SEMA6D: variants seen among roughly 807,000 people sequenced by gnomAD.
SEMA6D encodes semaphorin 6D.
Under a neutral mutation model 106.6 loss-of-function variants are expected in SEMA6D, and 35 were observed. The observed-to-expected ratio is 0.33, with a 90% CI of 0.25 to 0.44. The LOEUF (loss-of-function observed/expected upper bound fraction) is 0.44. Among genes scored for constraint, SEMA6D ranks in the 20% least tolerant of loss-of-function variants. The pLI, the probability that SEMA6D is intolerant of heterozygous loss-of-function variation, is 1.00. For missense variants in SEMA6D, 1,185 were observed against 1,345.9 expected (o/e 0.88, Z 1.87); for synonymous variants, 499 against 487.7 (o/e 1.02, Z -0.31).
intron 4 of SEMA6D, among the ~76,000 whole-genome samples, chr15:47,669,284 A>G (rs1487045765): frequency 4.6e-5 from 7 of 152,194 alleles, no homozygotes; most frequent in African/African-American, 1.7e-4. Flanking sequence ...ATACATCTTT[A>G]TCTCAGCACT....
intron 1 of SEMA6D, among the ~76,000 whole-genome samples, chr15:47,271,149 C>T (rs573292776): frequency 2.0e-5 from 3 of 152,280 alleles, no homozygotes; most frequent in African/African-American, 4.8e-5. Flanking sequence ...CCATACACCT[C>T]CATGTAATCC....
At chr15:47,651,005 C>G (rs558772332) in intron 4 of SEMA6D, among the ~76,000 whole-genome samples, 2 of 152,286 alleles carry the variant, frequency 1.3e-5, no homozygotes, top group East Asian at 3.9e-4. Context: ...TGTGCTATTT[C>G]TTTGTTTCTG....
chr15:47,436,845 G>A (rs915999162), intron 2 of SEMA6D, among the ~76,000 whole-genome samples: 7 of 149,790 alleles, frequency 4.7e-5, no homozygotes, highest in South Asian at 2.1e-4. Flanking sequence ...GAGGTGGGGG[G>A]ATCACTTAAA....
At chr15:47,368,563 C>T (rs1017788220) in intron 1 of SEMA6D, among the ~76,000 whole-genome samples, 3 of 151,922 alleles carry the variant, frequency 2.0e-5, no homozygotes, top group East Asian at 3.9e-4. Context: ...CTCCGCCTCC[C>T]GGGTTCACGC....
At chr15:47,719,218 C>CAGT (rs990181876) in intron 1 of SEMA6D, among the ~76,000 whole-genome samples, 1 of 152,132 alleles carries the variant, frequency 6.6e-6, no homozygotes, top group Admixed American at 6.6e-5. Flanking sequence ...GAACTTAGGG[C>CAGT]AGTACTCCCT....
At chr15:47,259,771 C>T (rs1430119178) in intron 1 of SEMA6D, among the ~76,000 whole-genome samples, 2 of 152,160 alleles carry the variant, frequency 1.3e-5, no homozygotes, top group Non-Finnish European at 2.9e-5. Context: ...ATTCTTTCAA[C>T]TCCATTCTGA....
intron 1 of SEMA6D, among the ~76,000 whole-genome samples, chr15:47,391,264 C>G (rs931892494): frequency 1.3e-5 from 2 of 152,200 alleles, no homozygotes; most frequent in African/African-American, 4.8e-5. Flanking sequence ...ACTGGCAGAG[C>G]TATGGCCAAA....
At chr15:47,253,104 T>A (rs568284769) in intron 1 of SEMA6D, among the ~76,000 whole-genome samples, 1 of 152,176 alleles carries the variant, frequency 6.6e-6, no homozygotes, top group South Asian at 2.1e-4. Flanking sequence ...TGGGGTGAGG[T>A]GATATTTCAC....
Position 47,764,190 on chromosome 15 carries a change from G to A in SEMA6D, c.982G>A (p.Val328Ile), listed in dbSNP as rs1454955499. ...TQLNSIPGSAVCAFSMDDIEK... is the reference protein window; with the variant it reads ...TQLNSIPGSAICAFSMDDIEK... ...CCTTTTCAGCATCCCTGGTTCTGCT[G>A]TCTGTGCATTTAGCATGGATGACAT... Residue 328 changes from valine (V) to isoleucine (I), a missense_variant, in exon 11 of 19, where the codon GTC (valine) becomes ATC (isoleucine). Physicochemically the swap from Val to Ile is conservative, Grantham distance 29. Transcript: ENST00000536845. The A allele has an allele frequency of 1.2e-6, 2 of 1,613,700 alleles. No homozygotes were observed. The highest frequency in any genetic ancestry group is 1.7e-5 in the Admixed American group (1 of 59,994).
In SEMA6D at chr15:47,648,820, T is replaced by C. The variant is rs1020988155; in HGVS notation, c.-55+47924T>C. 2.4e-4 allele frequency among the ~76,000 whole-genome samples: 36 copies of C among 152,212 alleles called. 1 individual carries two copies. Among genetic ancestry groups the C allele is most frequent in the Admixed American group, 6.5e-5 (1 of 15,290 alleles). ...GAGTCTTTAATTAGAAGTTCGGTGATGTTTTTGTGACCAGAAATATCCCAC... is the reference window on the plus strand; with the variant it reads ...GAGTCTTTAATTAGAAGTTCGGTGACGTTTTTGTGACCAGAAATATCCCAC... On this transcript the variant is annotated intron_variant, in intron 4 of 19. Coordinates refer to the SEMA6D transcript ENST00000558014.
At chr15:47,591,756 A>T (rs16959719) in intron 3 of SEMA6D, among the ~76,000 whole-genome samples, 1 of 152,194 alleles carries the variant, frequency 6.6e-6, no homozygotes, top group Admixed American at 6.5e-5. Flanking sequence ...GGAGAATGAC[A>T]TATGGGAGTG....
intron 1 of SEMA6D, among the ~76,000 whole-genome samples, chr15:47,191,032 G>GTGC (rs1893925359): frequency 6.6e-6 from 1 of 152,008 alleles, no homozygotes; most frequent in Non-Finnish European, 1.5e-5. Context: ...TAATAGCCGG[G>GTGC]TGCAGTCATA....
intron 1 of SEMA6D, among the ~76,000 whole-genome samples, chr15:47,320,341 T>C (rs1293539437): frequency 1.3e-5 from 2 of 152,218 alleles, no homozygotes; most frequent in Admixed American, 1.3e-4. Flanking sequence ...TCAGATTCTC[T>C]CTCTATTGTA....
chr15:47,472,551 A>G (rs1177148561), intron 3 of SEMA6D, among the ~76,000 whole-genome samples: 1 of 152,184 alleles, frequency 6.6e-6, no homozygotes, highest in African/African-American at 2.4e-5. Flanking sequence ...GGCCAAAGAG[A>G]ACTGGTATCA....
In SEMA6D at chr15:47,761,188, C is replaced by T; in HGVS notation, c.313C>T (p.Arg105Ter). The T allele has an allele frequency of 6.2e-7, 1 of 1,613,688 alleles. No homozygotes were observed. Among genetic ancestry groups the T allele is most frequent in the Non-Finnish European group, 8.5e-7 (1 of 1,179,824 alleles). ...KLTWRSRQQD[R>*]ENCAMKGKHK... ...GACATGGCGATCAAGACAACAGGAT[C>T]GAGAAAACTGTGCTATGAAAGGCAA... The change falls in exon 5 of 19, where the codon CGA (arginine) becomes TGA (stop). Residue 105 changes from arginine (R) to a stop codon, truncating the protein, a stop_gained. Transcript: ENST00000536845. LOFTEE classifies it high-confidence loss of function.
In SEMA6D at chr15:47,235,612, G is replaced by A. The variant is rs533927535; in HGVS notation, c.-239+51194G>A. On this transcript the variant is annotated intron_variant, in intron 1 of 19. Coordinates refer to the SEMA6D transcript ENST00000558014. The stretch of plus-strand genomic sequence containing the variant: ...GATTTATGTTTTCCTATGCTTTGTT[G>A]AAGATCAGTTGGTTGTAAGTATTTG... Among the ~76,000 whole-genome samples the A allele has an allele frequency of 5.9e-5, 9 of 152,008 alleles. No individual in the cohort carries two copies. In the South Asian group the frequency reaches 1.5e-3, roughly 25 times the overall value.
intron 3 of SEMA6D, among the ~76,000 whole-genome samples, chr15:47,587,239 T>C (rs2143008289): frequency 6.6e-6 from 1 of 152,242 alleles, no homozygotes; most frequent in Non-Finnish European, 1.5e-5. Context: ...ACCCCACCCG[T>C]CACGGCTCTG....
chr15:47,733,527 G>T (rs1037936319), intron 1 of SEMA6D, among the ~76,000 whole-genome samples: 2 of 152,120 alleles, frequency 1.3e-5, no homozygotes, highest in African/African-American at 4.8e-5. Flanking sequence ...TGTTCCTTAA[G>T]GGAAAGCAAT....
At chr15:47,731,317 C>CG (rs1334332684) in intron 1 of SEMA6D, among the ~76,000 whole-genome samples, 2 of 151,984 alleles carry the variant, frequency 1.3e-5, no homozygotes, top group South Asian at 2.1e-4. Context: ...CCACTGCCCC[C>CG]CCGCCCCCGG....
Sources: gnomAD v4.1 joint callset for allele counts (sites outside exome capture counted in the v4.1 genomes callset) on GRCh38, gnomAD v4.1.1 for gene constraint, MANE v1.5 for transcripts, NCBI Gene and HGNC (gene_info 2026-07-23, HGNC 2026-07-21) for gene names.